THADA: variants seen among roughly 807,000 people sequenced by gnomAD.
THADA encodes the protein tRNA (32-2'-O)-methyltransferase regulator THADA.
Under a neutral mutation model 219.8 loss-of-function variants are expected in THADA, and 213 were observed. The ratio of observed to expected loss-of-function variants is 0.97; its 90% CI spans 0.87 to 1.09. The LOEUF (loss-of-function observed/expected upper bound fraction) is 1.09. Among genes scored for constraint, THADA ranks in the 50% least tolerant of loss-of-function variants. The pLI, the probability that THADA is intolerant of heterozygous loss-of-function variation, is 0.00. For synonymous variants in THADA, 1,018 were observed against 828.9 expected, an observed-to-expected ratio of 1.23 and a Z score of -3.92; for missense variants, 2,956 against 2,311.3, an observed-to-expected ratio of 1.28 and a Z score of -5.72.
chr2:43,361,264 TA>T (rs1358590533), intron 29 of THADA, among the ~76,000 whole-genome samples: 1 of 152,248 alleles, frequency 6.6e-6, no homozygotes, highest in Non-Finnish European at 1.5e-5. Flanking sequence ...CTTTGAGTCC[TA>T]AGTTCCTCAT....
chr2:43,373,677 A>G (rs547794934), intron 29 of THADA, among the ~76,000 whole-genome samples: 1 of 152,244 alleles, frequency 6.6e-6, no homozygotes, highest in East Asian at 1.9e-4. Context: ...GGGTTTCACC[A>G]TGTTGGCCAG....
chr2:43,245,432 C>G (rs1335377514), intron 36 of THADA, among the ~76,000 whole-genome samples: 5 of 152,292 alleles, frequency 3.3e-5, no homozygotes, highest in African/African-American at 1.2e-4. Flanking sequence ...CTTGGCCTCC[C>G]AACGTGCTGG....
At chr2:43,394,643 A>C (rs1024637404) in intron 29 of THADA, among the ~76,000 whole-genome samples, 2 of 152,200 alleles carry the variant, frequency 1.3e-5, no homozygotes, top group African/African-American at 2.4e-5. Context: ...GAAAGGAAAA[A>C]GAAAGAGCCC....
chr2:43,346,908 C>G (rs1364393375), intron 29 of THADA, among the ~76,000 whole-genome samples: 1 of 152,230 alleles, frequency 6.6e-6, no homozygotes, highest in Non-Finnish European at 1.5e-5. Context: ...AGGAATTCAA[C>G]AAGCATTTGC....
intron 21 of THADA, among the ~76,000 whole-genome samples, chr2:43,530,418 T>G (rs1693718267): frequency 6.6e-6 from 1 of 152,150 alleles, no homozygotes. Context: ...ATAAAATAAG[T>G]AACTCATGAT....
At chr2:43,563,836 T>C (rs754349180) in intron 15 of THADA, 5 of 152,176 alleles carry the variant, frequency 3.3e-5, no homozygotes, top group Non-Finnish European at 5.9e-5. Context: ...CATCCTGTAC[T>C]TCATAGTCAA....
rs529673658 is a variant in THADA, at chr2:43,286,148, CAAATAGA to C, written c.5164+753_5164+759del. Among the ~76,000 whole-genome samples the C allele has an allele frequency of 2.6e-5, 4 of 152,258 alleles. No individual in the cohort carries two copies. In the East Asian group the frequency reaches 7.7e-4, roughly 29 times the overall value. On this transcript the variant is annotated intron_variant, in intron 35 of 37. Transcript: ENST00000405975. ...GGGACAGTTAGGCTGTTTTGAAAGA[CAAATAGA>C]AGTCAGTCAAGCAGTGGTTTGTTTA...
At chr2:43,304,522 C>T (rs549887863) in intron 31 of THADA, among the ~76,000 whole-genome samples, 18 of 152,300 alleles carry the variant, frequency 1.2e-4, no homozygotes, top group African/African-American at 4.1e-4. Context: ...ACATGTTCTT[C>T]CCTCTGCCTC....
At chr2:43,423,868 A>G (rs1021091119) in intron 28 of THADA, among the ~76,000 whole-genome samples, 44 of 152,334 alleles carry the variant, frequency 2.9e-4, no homozygotes, top group African/African-American at 1.0e-3. Flanking sequence ...TCTAGTCTCT[A>G]GAAAGCCCAG....
Position 43,498,825 on chromosome 2 carries a change from G to A in THADA, c.3744+8C>T, listed in dbSNP as rs1326906032. The A allele has an allele frequency of 6.2e-6, 10 of 1,610,310 alleles. No homozygotes were observed. Among genetic ancestry groups the A allele is most frequent in the Non-Finnish European group, 8.5e-6 (10 of 1,178,790 alleles). Reference sequence around the variant, plus strand: ...AAATCAATGAAAATAAATAGTGACAGCACTTACTGCCCAGACCGGTGATGT... The same window carrying A: ...AAATCAATGAAAATAAATAGTGACAACACTTACTGCCCAGACCGGTGATGT... On this transcript the variant is annotated splice_region_variant and intron_variant, in intron 25 of 37. Transcript: ENST00000405975.
chr2:43,485,243 T>C lies in THADA; in HGVS notation c.3827A>G (p.Lys1276Arg). ...CTTAAATGGAGCTTACCTATTTGTT[T>C]TGGAATGTTCATCCTTTGCCCTTTT... ...GVKRAKDEHS[K>R]TNRMTGREFF... The change falls in exon 26 of 38, where the codon AAA becomes AGA. Residue 1276 changes from lysine (K) to arginine (R), a missense_variant. Transcript: ENST00000405975. 1 of 1,611,362 alleles carries C rather than the reference T, an allele frequency of 6.2e-7. No homozygotes were observed. The highest frequency in any genetic ancestry group is 8.5e-7 in the Non-Finnish European group (1 of 1,177,924).
At chr2:43,305,641 A>C (rs34247383) in intron 31 of THADA, among the ~76,000 whole-genome samples, 28,365 of 152,104 alleles carry the variant, frequency 0.19, 2,936 homozygotes, top group African/African-American at 0.27. Flanking sequence ...AGCCCATAAA[A>C]TCAAAACACA....
Position 43,579,332 on chromosome 2 carries a change from C to T in THADA, c.722-725G>A, listed in dbSNP as rs553387832. ...ACTTTTTCAAAAAGAGATTTCAGGG[C>T]TTGTATAAAGAATGTAGGTAAGTGC... On this transcript the variant is annotated intron_variant, in intron 8 of 37. Coordinates refer to ENST00000405975, the MANE Select transcript of THADA (RefSeq NM_022065.5). 5.3e-4 allele frequency among the ~76,000 whole-genome samples: 81 copies of T among 152,280 alleles called. 2 individuals carry two copies. The highest frequency in any genetic ancestry group is 6.8e-3 in the Middle Eastern group (2 of 294).
At chr2:43,532,921 G>A (rs113448773) in intron 21 of THADA, among the ~76,000 whole-genome samples, 39 of 152,288 alleles carry the variant, frequency 2.6e-4, no homozygotes, top group African/African-American at 8.7e-4. Context: ...CTTCTGCTCA[G>A]CAAAAGAAAC....
At chr2:43,386,584 T>C (rs981249803) in intron 29 of THADA, among the ~76,000 whole-genome samples, 3 of 152,146 alleles carry the variant, frequency 2.0e-5, no homozygotes, top group African/African-American at 7.2e-5. Context: ...TTTAAGGTCC[T>C]TTAAAAAATA....
At chr2:43,297,480 C>T (rs1431476298) in intron 31 of THADA, among the ~76,000 whole-genome samples, 2 of 112,850 alleles carry the variant, frequency 1.8e-5, no homozygotes, top group Admixed American at 7.7e-5. Context: ...CGGCCAGCCG[C>T]CCCATCCGGG....
intron 36 of THADA, among the ~76,000 whole-genome samples, chr2:43,265,195 G>A (rs1292436172): frequency 1.3e-5 from 2 of 152,190 alleles, no homozygotes; most frequent in African/African-American, 2.4e-5. Context: ...AAAGGCCAGC[G>A]GTGGGGGCGG....
rs758205604 is a variant in THADA, at chr2:43,485,167, T to C, written c.3836+67A>G. 164 of 1,237,104 alleles carry C rather than the reference T, an allele frequency of 1.3e-4. No individual in the cohort carries two copies. In the Middle Eastern group the frequency reaches 4.5e-3, roughly 34 times the overall value. 76.6% of individuals were successfully genotyped at this position (1,237,104 alleles called of 1,614,324 possible). A position where few individuals can be genotyped will look rare whatever the true frequency, so the allele number is the denominator to read the frequency against. ...TATAACAGTAGGCACAATTTCAAAA[T>C]TTGTTTTTGGCCAGGACAATATTGT... On this transcript the variant is annotated intron_variant, in intron 26 of 37. Transcript: ENST00000405975.
intron 30 of THADA, among the ~76,000 whole-genome samples, chr2:43,326,634 T>C (rs571754684): frequency 5.3e-5 from 8 of 152,098 alleles, no homozygotes; most frequent in Non-Finnish European, 1.0e-4. Context: ...ACTAGAAAGA[T>C]GGCCAGTGGG....
Sources: allele counts gnomAD v4.1 joint callset (sites outside exome capture counted in the v4.1 genomes callset), GRCh38; gene constraint gnomAD v4.1.1; transcripts MANE v1.5; gene names NCBI Gene and HGNC (gene_info 2026-07-23, HGNC 2026-07-21).